NEDD4L: variants seen among roughly 807,000 people sequenced by gnomAD.
NEDD4L encodes the protein E3 ubiquitin-protein ligase NEDD4-like.
Under a neutral mutation model 148.9 loss-of-function variants are expected in NEDD4L, and 54 were observed. The ratio of observed to expected loss-of-function variants is 0.36; its 90% CI spans 0.29 to 0.45. NEDD4L has a LOEUF of 0.45. Among genes scored for constraint, NEDD4L ranks in the 20% least tolerant of loss-of-function variants. The probability of loss-of-function intolerance (pLI) is 1.00; values close to 1 mark genes in which losing one functional copy is unlikely to be tolerated. For synonymous variants in NEDD4L, 433 were observed against 440.7 expected (o/e 0.98, Z 0.22); for missense variants, 856 against 1,233.8 (o/e 0.69, Z 4.59).
intron 2 of NEDD4L, chr18:58,221,597 C>G: frequency 1.0e-6 from 1 of 985,386 alleles, no homozygotes; most frequent in Non-Finnish European, 1.2e-6. Flanking sequence ...GCTGGTATTC[C>G]CCCGGTATCA....
At chr18:58,248,085 AAG>A (rs2047490385) in intron 3 of NEDD4L, among the ~76,000 whole-genome samples, 1 of 152,224 alleles carries the variant, frequency 6.6e-6, no homozygotes, top group Admixed American at 6.5e-5. Context: ...GCTGTTGGTG[AAG>A]TGATGGTTTT....
At chr18:58,098,048 A>C (rs2084528908) in intron 1 of NEDD4L, among the ~76,000 whole-genome samples, 1 of 152,168 alleles carries the variant, frequency 6.6e-6, no homozygotes, top group Admixed American at 6.5e-5. Flanking sequence ...ACAAAAACAA[A>C]AACCAAAAGT....
At chr18:58,110,553 T>G (rs974592515) in intron 1 of NEDD4L, among the ~76,000 whole-genome samples, 3 of 152,184 alleles carry the variant, frequency 2.0e-5, no homozygotes, top group Non-Finnish European at 4.4e-5. Flanking sequence ...TCAGCTGTGG[T>G]GCTTGGCATG....
chr18:58,199,605 T>A (rs923763461), intron 2 of NEDD4L, among the ~76,000 whole-genome samples: 2 of 152,208 alleles, frequency 1.3e-5, no homozygotes, highest in African/African-American at 4.8e-5. Flanking sequence ...TTAAGTTCAT[T>A]TAAGTTCTCT....
rs180961544 is a variant in NEDD4L, at chr18:58,215,286, C to A, written c.123-30141C>A. 1.4e-3 allele frequency among the ~76,000 whole-genome samples: 212 copies of A among 152,262 alleles called. 1 individual carries two copies. The highest frequency in any genetic ancestry group is 4.6e-3 in the African/African-American group (192 of 41,558). On this transcript the variant is annotated intron_variant, in intron 2 of 30. Transcript: ENST00000400345. Reference sequence around the variant, plus strand: ...GTGGTTGATGAGAGTACCAGTTTTTCCCTAGTTCAATATTAACCCATTTTA... The same window carrying A: ...GTGGTTGATGAGAGTACCAGTTTTTACCTAGTTCAATATTAACCCATTTTA...
chr18:58,323,196 AC>A (rs2059003544), intron 7 of NEDD4L, 35 bp from the exon 8 acceptor site: 2 of 1,281,264 alleles, frequency 1.6e-6, no homozygotes, highest in African/African-American at 2.9e-5. Flanking sequence ...TGAAGTCACA[AC>A]CCTTCTAACC....
intron 23 of NEDD4L, among the ~76,000 whole-genome samples, chr18:58,371,203 A>ATTTTTTTTTTTTTT (rs34960405): frequency 1.7e-3 from 155 of 92,958 alleles, no homozygotes; most frequent in African/African-American, 2.6e-3. Flanking sequence ...TGCCTGGCTA[A>ATTTTTTTTTTTTTT]TTTTTTTTTT....
At chr18:58,112,623 G>T (rs1056253033) in intron 1 of NEDD4L, among the ~76,000 whole-genome samples, 11 of 151,944 alleles carry the variant, frequency 7.2e-5, no homozygotes, top group African/African-American at 2.7e-4. Context: ...CAAGTAGCTG[G>T]GATTACAGGC....
At chr18:58,112,811 A>G (rs536225694) in intron 1 of NEDD4L, among the ~76,000 whole-genome samples, 6 of 152,166 alleles carry the variant, frequency 3.9e-5, no homozygotes, top group African/African-American at 1.4e-4. Flanking sequence ...CATTTTTAAT[A>G]TAATGTGAAA....
intron 1 of NEDD4L, among the ~76,000 whole-genome samples, chr18:58,158,504 TA>T (rs2035788360): frequency 2.6e-5 from 4 of 152,244 alleles, no homozygotes; most frequent in Admixed American, 2.6e-4. Context: ...TCTAGAAGTC[TA>T]TCCCTTTATT....
chr18:58,066,413 C>A (rs1330768424), intron 1 of NEDD4L, among the ~76,000 whole-genome samples: 3 of 38,566 alleles, frequency 7.8e-5, no homozygotes, highest in Middle Eastern at 0.028. Context: ...TTTTTTTTAA[C>A]GGAGTCTCTC....
chr18:58,112,686 C>T (rs762282752), intron 1 of NEDD4L, among the ~76,000 whole-genome samples: 25 of 151,748 alleles, frequency 1.6e-4, no homozygotes, highest in Non-Finnish European at 8.8e-5. Context: ...GATGGGGTTT[C>T]TCCATGTTGG....
chr18:58,248,211 A>C (rs370308091), intron 3 of NEDD4L, among the ~76,000 whole-genome samples: 29 of 152,242 alleles, frequency 1.9e-4, no homozygotes, highest in East Asian at 1.7e-3. Flanking sequence ...GTTTTGGGGG[A>C]TATCTGGCAG....
At chr18:58,237,740 A>T (rs1171162897) in intron 2 of NEDD4L, among the ~76,000 whole-genome samples, 1 of 152,158 alleles carries the variant, frequency 6.6e-6, no homozygotes, top group Non-Finnish European at 1.5e-5. Flanking sequence ...AGATGCCTAT[A>T]TAAATAGCTA....
chr18:58,336,255 G>T (rs887036237), intron 13 of NEDD4L, among the ~76,000 whole-genome samples: 15 of 152,244 alleles, frequency 9.9e-5, no homozygotes, highest in Admixed American at 3.9e-4. Flanking sequence ...CTAGCTTATA[G>T]TTTATGCTTC....
At chr18:58,329,497 C>T (rs1272476341) in intron 10 of NEDD4L, among the ~76,000 whole-genome samples, 1 of 151,992 alleles carries the variant, frequency 6.6e-6, no homozygotes, top group Non-Finnish European at 1.5e-5. Context: ...GCTGGGATTA[C>T]AGGCACGCAT....
intron 2 of NEDD4L, among the ~76,000 whole-genome samples, chr18:58,213,147 G>C (rs75563410): frequency 0.44 from 67,160 of 151,694 alleles, 16,276 homozygotes; most frequent in African/African-American, 0.66. Context: ...TGAATTATGG[G>C]CAGTTGGGAA....
At chr18:58,132,859 A>G (rs996502094) in intron 1 of NEDD4L, among the ~76,000 whole-genome samples, 3 of 152,238 alleles carry the variant, frequency 2.0e-5, no homozygotes, top group Admixed American at 2.0e-4. Flanking sequence ...ATGGATGGAA[A>G]GTGATTTTTA....
intron 1 of NEDD4L, among the ~76,000 whole-genome samples, chr18:58,059,281 T>C (rs1481116675): frequency 6.6e-6 from 1 of 152,192 alleles, no homozygotes; most frequent in Non-Finnish European, 1.5e-5. Context: ...CTCTTTATTC[T>C]CTTTCCTCAA....
Sources: gnomAD v4.1 joint callset for allele counts (sites outside exome capture counted in the v4.1 genomes callset) on GRCh38, gnomAD v4.1.1 for gene constraint, MANE v1.5 for transcripts, NCBI Gene and HGNC (gene_info 2026-07-23, HGNC 2026-07-21) for gene names.